CRELD1: variants seen among roughly 807,000 people sequenced by gnomAD.
CRELD1 encodes protein disulfide isomerase CRELD1.
CRELD1 carries 42 observed loss-of-function variants against 58.2 expected under a neutral mutation model. That is an observed-to-expected ratio of 0.72 (90% CI 0.56 to 0.93). The LOEUF (loss-of-function observed/expected upper bound fraction) is 0.93, where lower values mean the gene tolerates loss of function less well. CRELD1 is among the 40% of genes least tolerant of loss of function. The pLI is 0.00. For missense variants in CRELD1, 500 were observed against 540.6 expected, an observed-to-expected ratio of 0.92 and a Z score of 0.74; for synonymous variants, 222 against 202.0, an observed-to-expected ratio of 1.10 and a Z score of -0.84.
At chr3:9,938,177 C>T (rs185522163) in intron 5 of CRELD1, 71 bp downstream of exon 5, 2 of 1,210,346 alleles carry the variant, frequency 1.7e-6, no homozygotes, top group Non-Finnish European at 2.4e-6. Flanking sequence ...TGGCTCTGTC[C>T]CTAGTTCGCT....
At chr3:9,940,356 A>C (rs1157842281) in intron 5 of CRELD1, among the ~76,000 whole-genome samples, 1 of 152,100 alleles carries the variant, frequency 6.6e-6, no homozygotes, top group African/African-American at 2.4e-5. Flanking sequence ...AGATCACGCC[A>C]CTGCACTCCA....
intron 3 of CRELD1, 138 bp from the exon 4 acceptor site, chr3:9,937,424 G>T: frequency 1.5e-6 from 1 of 681,936 alleles, no homozygotes. Context: ...CTGCTTCCCA[G>T]AACCATGACC....
Position 9,943,125 on chromosome 3 carries a change from G to GT in CRELD1, c.867dup (p.Lys290Ter), listed in dbSNP as rs1474072582. Reference sequence around the variant, plus strand: ...TGCATGGGGGCAGGGCCAGGTCGCTGTAAGAAGTGTAGCCCTGGCTATCAG... The same window carrying GT: ...TGCATGGGGGCAGGGCCAGGTCGCTGTTAAGAAGTGTAGCCCTGGCTATCAG... On this transcript the variant is annotated frameshift_variant, in exon 9 of 11. Coordinates refer to ENST00000452070, the MANE Select transcript of CRELD1 (RefSeq NM_001077415.3). LOFTEE classifies it high-confidence loss of function. 1 of 1,613,796 alleles carries GT rather than the reference G, an allele frequency of 6.2e-7. No homozygotes were observed. Among genetic ancestry groups the GT allele is most frequent in the African/African-American group, 1.3e-5 (1 of 75,036 alleles).
chr3:9,938,275 G>C (rs1575639333), intron 5 of CRELD1, 169 bp downstream of exon 5: 2 of 651,586 alleles, frequency 3.1e-6, no homozygotes, highest in East Asian at 5.5e-5. Flanking sequence ...AATCAGTGGG[G>C]AAAGGCTTGG....
At chr3:9,937,535 C>G in intron 3 of CRELD1, 27 bp from the exon 4 acceptor site, 1 of 1,514,762 alleles carries the variant, frequency 6.6e-7, no homozygotes, top group Non-Finnish European at 9.1e-7. Flanking sequence ...GGGCATGTTT[C>G]CCACCAGCCC....
chr3:9,939,721 C>T lies in CRELD1; in HGVS notation c.461-1129C>T, dbSNP rs191184517. On this transcript the variant is annotated intron_variant, in intron 5 of 10. Transcript: ENST00000452070. ...GTACAGAACAAAATGAAAAGTCTCC[C>T]GTGTCTACTTCTTTCTACACAGACA... is the stretch of plus-strand genomic sequence containing the variant. Among the ~76,000 whole-genome samples, 961 of 152,328 alleles carry T rather than the reference C, an allele frequency of 6.3e-3. 16 individuals are homozygous for T. Among genetic ancestry groups the T allele is most frequent in the African/African-American group, 0.021 (865 of 41,572 alleles).
rs1460929476 is a variant in CRELD1, at chr3:9,943,450, A to T, written c.983A>T (p.Tyr328Phe). Residue 328 changes from tyrosine (Y) to phenylalanine (F), a missense_variant, in exon 10 of 11, where the codon TAT (tyrosine) becomes TTT (phenylalanine). By Grantham distance (22) the Tyr-to-Phe change is conservative (BLOSUM62 3). Transcript: ENST00000452070. ...NKQCENTEGGYRCICAEGYKQ... is the reference protein window; with the variant it reads ...NKQCENTEGGFRCICAEGYKQ... ...CAGTGTGAAAACACCGAGGGCGGTTATCGCTGCATCTGTGCCGAGGGCTAC... is the reference window on the plus strand; with the variant it reads ...CAGTGTGAAAACACCGAGGGCGGTTTTCGCTGCATCTGTGCCGAGGGCTAC... 1.2e-6 allele frequency: 2 copies of T among 1,614,070 alleles called. No individual in the cohort carries two copies. The highest frequency in any genetic ancestry group is 8.5e-7 in the Non-Finnish European group (1 of 1,180,008).
chr3:9,936,551 GTATATA>G (rs36230194), intron 3 of CRELD1, among the ~76,000 whole-genome samples: 55,155 of 148,428 alleles, frequency 0.37, 13,604 homozygotes, highest in African/African-American at 0.71. Context: ...ATATATATGC[GTATATA>G]TATATATATA....
chr3:9,939,316 A>G (rs1053576129), intron 5 of CRELD1, among the ~76,000 whole-genome samples: 1 of 152,142 alleles, frequency 6.6e-6, no homozygotes, highest in Non-Finnish European at 1.5e-5. Flanking sequence ...AGAGCAGAAA[A>G]TATTATCTTG....
At chr3:9,936,959 T>G (rs2085212854) in intron 3 of CRELD1, among the ~76,000 whole-genome samples, 1 of 152,386 alleles carries the variant, frequency 6.6e-6, no homozygotes, top group African/African-American at 2.4e-5. Context: ...CATGCATCAG[T>G]TGATGGACAT....
intron 3 of CRELD1, 133 bp downstream of exon 3, chr3:9,935,050 G>A: frequency 1.3e-6 from 1 of 755,232 alleles, no homozygotes; most frequent in Non-Finnish European, 2.2e-6. Flanking sequence ...TAGTATAGCA[G>A]TAAACAAGGC....
intron 3 of CRELD1, chr3:9,936,000 A>G (rs776085559): frequency 1.3e-5 from 2 of 152,248 alleles, no homozygotes; most frequent in Non-Finnish European, 2.9e-5. Flanking sequence ...AAAGCCATTT[A>G]TATAGTCAGT....
chr3:9,939,214 A>C (rs1223455856), intron 5 of CRELD1, among the ~76,000 whole-genome samples: 1 of 152,154 alleles, frequency 6.6e-6, no homozygotes, highest in Non-Finnish European at 1.5e-5. Flanking sequence ...ATTGTTCCAC[A>C]AGAGGAAATT....
rs777448540 is a variant in CRELD1, at chr3:9,942,832, A to G, written c.753A>G (p.Thr251=). 6.2e-7 allele frequency: 1 copy of G among 1,614,080 alleles called. No individual in the cohort carries two copies. Among genetic ancestry groups the G allele is most frequent in the Non-Finnish European group, 8.5e-7 (1 of 1,179,898 alleles). ...CTGCAGACATTGATGAGTGTGGCACAGAGGGAGCCAACTGTGGAGCTGACC... is the reference window on the plus strand; with the variant it reads ...CTGCAGACATTGATGAGTGTGGCACGGAGGGAGCCAACTGTGGAGCTGACC... The part of the protein sequence containing the change: ...LKCVDIDECG[T]EGANCGADQF... Residue 251 remains threonine, a synonymous_variant, in exon 8 of 11, where the codon ACA becomes ACG. Coordinates refer to ENST00000452070, the MANE Select transcript of CRELD1 (RefSeq NM_001077415.3).
intron 5 of CRELD1, among the ~76,000 whole-genome samples, chr3:9,940,317 G>A (rs1230558787): frequency 2.6e-5 from 4 of 152,126 alleles, no homozygotes; most frequent in South Asian, 2.1e-4. Context: ...CAAGGCAGGC[G>A]GCTGGGAGGT....
chr3:9,943,837 G>A (rs2085440342), intron 10 of CRELD1: 2 of 1,613,456 alleles, frequency 1.2e-6, no homozygotes, highest in Middle Eastern at 1.6e-4. Context: ...TGAGATGCAG[G>A]GTAATCACAA....
intron 3 of CRELD1, among the ~76,000 whole-genome samples, chr3:9,936,983 A>C (rs1231440849): frequency 2.0e-5 from 3 of 152,112 alleles, no homozygotes; most frequent in African/African-American, 7.2e-5. Context: ...CATTGTTTCT[A>C]CCTTTTGGCT....
At chr3:9,943,000 C>T in intron 8 of CRELD1, 77 bp from the exon 9 acceptor site, 1 of 1,545,634 alleles carries the variant, frequency 6.5e-7, no homozygotes, top group South Asian at 1.1e-5. Context: ...AGAGCACCCC[C>T]AGGCCTCCGC....
intron 10 of CRELD1, 170 bp from the exon 11 acceptor site, chr3:9,944,195 A>T (rs757642627): frequency 2.5e-6 from 2 of 795,336 alleles, no homozygotes; most frequent in Non-Finnish European, 4.6e-6. Context: ...TGAGACAGGG[A>T]TGGTAACTGC....
Sources: gnomAD v4.1 joint callset for allele counts (sites outside exome capture counted in the v4.1 genomes callset) on GRCh38, gnomAD v4.1.1 for gene constraint, MANE v1.5 for transcripts, NCBI Gene and HGNC (gene_info 2026-07-23, HGNC 2026-07-21) for gene names.